Variants in PLAG1 observed in about 807,000 individuals in gnomAD.
PLAG1 encodes zinc finger protein PLAG1.
A neutral mutation model predicts 35.5 loss-of-function variants in PLAG1; 7 were observed. The ratio of observed to expected loss-of-function variants is 0.20; its 90% CI spans 0.11 to 0.37. The LOEUF (loss-of-function observed/expected upper bound fraction) is 0.37. Ranked by LOEUF, PLAG1 falls within the 10% of genes least tolerant of loss-of-function variation. PLAG1 has a pLI of 1.00. For missense variants in PLAG1, 454 were observed against 602.8 expected (o/e 0.75, Z 2.58); for synonymous variants, 229 against 225.4 (o/e 1.02, Z -0.14).
At chr8:56,171,808 C>T (rs549949587) in intron 2 of PLAG1, among the ~76,000 whole-genome samples, 1 of 152,274 alleles carries the variant, frequency 6.6e-6, no homozygotes, top group African/African-American at 2.4e-5. Flanking sequence ...AGATTTGCTA[C>T]AGAAGAAAGG....
chr8:56,168,566 A>G (rs1488898410), intron 3 of PLAG1, among the ~76,000 whole-genome samples, 180 bp from the exon 4 acceptor site: 2 of 152,218 alleles, frequency 1.3e-5, no homozygotes, highest in African/African-American at 2.4e-5. Flanking sequence ...GTCAAAATAC[A>G]TAGAAATGCA....
chr8:56,189,166 A>T (rs1243302225), intron 1 of PLAG1, among the ~76,000 whole-genome samples: 1 of 152,230 alleles, frequency 6.6e-6, no homozygotes, highest in East Asian at 1.9e-4. Context: ...AGAGCTTTCC[A>T]TGCTGTTGGC....
chr8:56,186,448 T>G (rs1390769418), intron 1 of PLAG1, among the ~76,000 whole-genome samples: 2 of 152,194 alleles, frequency 1.3e-5, no homozygotes, highest in Non-Finnish European at 2.9e-5. Context: ...CTTGGCTCAC[T>G]GCAACCTCCG....
intron 1 of PLAG1, among the ~76,000 whole-genome samples, chr8:56,183,001 G>A (rs1455287219): frequency 6.6e-6 from 1 of 152,224 alleles, no homozygotes; most frequent in Non-Finnish European, 1.5e-5. Flanking sequence ...CCAGTGCTGA[G>A]TAGAAGGGTC....
chr8:56,168,189 T>G lies in PLAG1; in HGVS notation c.81A>C (p.Glu27Asp). Reference protein sequence around the residue: ...KVPSGKRKRGETKPRKNFPCQ... With the variant: ...KVPSGKRKRGDTKPRKNFPCQ... ...AAGGAAAGTTTTTTCTTGGTTTGGTTTCACCACGCTTACGTTTCCCTGAAG... is the reference window on the plus strand; with the variant it reads ...AAGGAAAGTTTTTTCTTGGTTTGGTGTCACCACGCTTACGTTTCCCTGAAG... Residue 27 changes from glutamate (E) to aspartate (D), a missense_variant, in exon 4 of 5, where the codon GAA (glutamate) becomes GAC (aspartate). By Grantham distance (45) the Glu-to-Asp change is conservative (BLOSUM62 2). Coordinates refer to ENST00000316981, the MANE Select transcript of PLAG1 (RefSeq NM_002655.3). 1 of 1,613,974 alleles carries G rather than the reference T, an allele frequency of 6.2e-7. No individual in the cohort carries two copies. Among genetic ancestry groups the G allele is most frequent in the Non-Finnish European group, 8.5e-7 (1 of 1,179,900 alleles).
intron 1 of PLAG1, among the ~76,000 whole-genome samples, chr8:56,187,594 T>C (rs1397404145): frequency 1.3e-5 from 2 of 152,218 alleles, no homozygotes; most frequent in Non-Finnish European, 2.9e-5. Flanking sequence ...AAAGCTGTTA[T>C]ATTCAGAGTG....
chr8:56,187,765 T>G (rs1016802855), intron 1 of PLAG1, among the ~76,000 whole-genome samples: 7 of 152,076 alleles, frequency 4.6e-5, no homozygotes, highest in African/African-American at 1.4e-4. Flanking sequence ...ATAATGAGAT[T>G]TGTATTAAAA....
In PLAG1 at chr8:56,208,495, C is replaced by T. The variant is rs1812759662; in HGVS notation, c.-322+2626G>A. 2.0e-5 allele frequency among the ~76,000 whole-genome samples: 3 copies of T among 152,156 alleles called. No homozygotes were observed. In the South Asian group the frequency reaches 6.2e-4, roughly 31 times the overall value. On this transcript the variant is annotated intron_variant, in intron 1 of 4. Transcript: ENST00000316981. ...AGGTATTTACAGAAAGTTGGAAGAACTCAGTTGTAAACACAAGTTAACATA... is the reference window on the plus strand; with the variant it reads ...AGGTATTTACAGAAAGTTGGAAGAATTCAGTTGTAAACACAAGTTAACATA...
intron 1 of PLAG1, among the ~76,000 whole-genome samples, chr8:56,185,812 C>T (rs1034999069): frequency 2.6e-5 from 4 of 152,214 alleles, no homozygotes; most frequent in Admixed American, 6.5e-5. Flanking sequence ...TTCCATTTAT[C>T]AAATACCAAA....
At chr8:56,197,813 G>A (rs936403697) in intron 1 of PLAG1, among the ~76,000 whole-genome samples, 1 of 152,156 alleles carries the variant, frequency 6.6e-6, no homozygotes, top group Non-Finnish European at 1.5e-5. Context: ...GCAGGTGAGG[G>A]CTGGCCTTGT....
intron 1 of PLAG1, among the ~76,000 whole-genome samples, chr8:56,183,322 A>G (rs1014128503): frequency 3.3e-5 from 5 of 152,242 alleles, no homozygotes; most frequent in African/African-American, 1.2e-4. Flanking sequence ...TGTTCAAAGT[A>G]TATTTTAAGA....
chr8:56,210,927 ATTATT>A (rs1344127143), intron 1 of PLAG1, among the ~76,000 whole-genome samples, 189 bp downstream of exon 1: 2 of 151,650 alleles, frequency 1.3e-5, no homozygotes, highest in Admixed American at 6.6e-5. Context: ...GCCCCGCGTA[ATTATT>A]TTATTTTATT....
At chr8:56,194,519 C>T (rs1269238706) in intron 1 of PLAG1, among the ~76,000 whole-genome samples, 11 of 152,068 alleles carry the variant, frequency 7.2e-5, no homozygotes, top group African/African-American at 2.2e-4. Flanking sequence ...GGAGAGACTT[C>T]GGTCATGGAG....
chr8:56,176,043 T>TCTC (rs1490934193), intron 2 of PLAG1, among the ~76,000 whole-genome samples: 4 of 142,354 alleles, frequency 2.8e-5, no homozygotes, highest in African/African-American at 1.1e-4. Flanking sequence ...CCCTTTTCCT[T>TCTC]TTCTTTTTTT....
At chr8:56,170,199 G>C (rs1443168512) in intron 3 of PLAG1, among the ~76,000 whole-genome samples, 1 of 152,190 alleles carries the variant, frequency 6.6e-6, no homozygotes, top group Non-Finnish European at 1.5e-5. Flanking sequence ...TTATTAGGTA[G>C]ATACAGGCAA....
In PLAG1 at chr8:56,200,405, G is replaced by A. The variant is rs372913295; in HGVS notation, c.-322+10716C>T. ...CAGAATGGACCTAGTGGTAAAGACC[G>A]GAGACCTCTGCGTGCAGCGGGCCCC... On this transcript the variant is annotated intron_variant, in intron 1 of 4. Transcript: ENST00000316981. 3.7e-4 allele frequency among the ~76,000 whole-genome samples: 56 copies of A among 152,320 alleles called. No individual in the cohort carries two copies. In the South Asian group the frequency reaches 0.011, roughly 30 times the overall value.
intron 1 of PLAG1, among the ~76,000 whole-genome samples, chr8:56,186,955 A>G (rs1224754555): frequency 6.6e-6 from 1 of 152,188 alleles, no homozygotes; most frequent in Non-Finnish European, 1.5e-5. Flanking sequence ...ACCTCAGGTA[A>G]TCCACCTGCC....
intron 2 of PLAG1, among the ~76,000 whole-genome samples, chr8:56,177,660 C>A (rs1811745415): frequency 6.6e-6 from 1 of 152,102 alleles, no homozygotes; most frequent in Non-Finnish European, 1.5e-5. Context: ...TGGTCAGCAC[C>A]CTAGCATGTA....
intron 1 of PLAG1, among the ~76,000 whole-genome samples, chr8:56,187,825 A>T (rs1192412701): frequency 6.6e-6 from 1 of 152,196 alleles, no homozygotes; most frequent in Non-Finnish European, 1.5e-5. Flanking sequence ...TCTCTGTGGC[A>T]TAGGCAGGGT....
Sources: gnomAD v4.1 joint callset for allele counts (sites outside exome capture counted in the v4.1 genomes callset) on GRCh38, gnomAD v4.1.1 for gene constraint, MANE v1.5 for transcripts, NCBI Gene and HGNC (gene_info 2026-07-23, HGNC 2026-07-21) for gene names.